The following ACSL4 variants were observed in gnomAD, a reference collection of about 807,000 sequenced individuals.
ACSL4 encodes the protein long-chain-fatty-acid--CoA ligase 4.
ACSL4 carries 9 observed loss-of-function variants against 49.1 expected under a neutral mutation model. The ratio of observed to expected loss-of-function variants is 0.18; its 90% CI spans 0.11 to 0.32. The LOEUF (loss-of-function observed/expected upper bound fraction) is 0.32. Ranked by LOEUF, ACSL4 falls within the 10% of genes least tolerant of loss-of-function variation. ACSL4 has a pLI of 1.00. For missense variants in ACSL4, 333 were observed against 493.7 expected, an observed-to-expected ratio of 0.67 and a Z score of 3.08; for synonymous variants, 191 against 170.3, an observed-to-expected ratio of 1.12 and a Z score of -0.95.
intron 12 of ACSL4, among the ~76,000 whole-genome samples, chrX:109,664,306 T>C (rs568126491): frequency 9.0e-6 from 1 of 111,620 alleles, no homozygotes; most frequent in African/African-American, 3.2e-5. Flanking sequence ...AAAATAAAAA[T>C]TATAGTAAAA....
intron 6 of ACSL4, among the ~76,000 whole-genome samples, chrX:109,680,227 C>G (rs1159930085): frequency 9.0e-6 from 1 of 111,363 alleles, no homozygotes; most frequent in Non-Finnish European, 1.9e-5. Flanking sequence ...GCAGGCTCAT[C>G]TGTTTGCCGG....
intron 14 of ACSL4, among the ~76,000 whole-genome samples, chrX:109,660,643 G>A (rs926344803): frequency 9.0e-6 from 1 of 111,575 alleles, no homozygotes; most frequent in African/African-American, 3.2e-5. Context: ...ATTTTCCTAG[G>A]AGCATTATTC....
intron 1 of ACSL4, among the ~76,000 whole-genome samples, chrX:109,702,880 T>A (rs942312273): frequency 2.4e-4 from 26 of 110,251 alleles, no homozygotes; most frequent in African/African-American, 8.6e-4. Flanking sequence ...AAATGAACAA[T>A]CAAATAAGTA....
chrX:109,725,229 G>A (rs1927883656), intron 1 of ACSL4, among the ~76,000 whole-genome samples: 1 of 104,108 alleles, frequency 9.6e-6, no homozygotes, highest in Non-Finnish European at 2.0e-5. Context: ...CTACAGGTGT[G>A]TGCCACCACA....
At chrX:109,690,758 A>AGG (rs377016860) in intron 2 of ACSL4, among the ~76,000 whole-genome samples, 20 of 73,260 alleles carry the variant, frequency 2.7e-4, no homozygotes, top group African/African-American at 7.0e-4. Flanking sequence ...AAGACATTTT[A>AGG]GGGGGGGGGG....
chrX:109,688,208 C>G (rs1169788910), intron 2 of ACSL4, among the ~76,000 whole-genome samples: 2 of 112,077 alleles, frequency 1.8e-5, no homozygotes, highest in Non-Finnish European at 3.8e-5. Flanking sequence ...CACAGACTCT[C>G]ACTGCTACAT....
chrX:109,671,470 C>T (rs1056310779), intron 9 of ACSL4, among the ~76,000 whole-genome samples: 3 of 108,718 alleles, frequency 2.8e-5, no homozygotes, highest in Non-Finnish European at 3.9e-5. Context: ...AGCCCCCGCC[C>T]GACCAGCCAC....
intron 4 of ACSL4, among the ~76,000 whole-genome samples, 160 bp downstream of exon 4, chrX:109,682,559 G>A (rs146283345): frequency 1.6e-4 from 18 of 110,646 alleles, no homozygotes; most frequent in African/African-American, 5.3e-4. Context: ...AGGAGTCATC[G>A]GATATCTTTT....
At chrX:109,722,185 C>CA (rs1927611829) in intron 1 of ACSL4, among the ~76,000 whole-genome samples, 1 of 111,988 alleles carries the variant, frequency 8.9e-6, no homozygotes, top group African/African-American at 3.2e-5. Context: ...CTAAGTCCTA[C>CA]AGCATAAACC....
chrX:109,694,949 G>A (rs1025421793), intron 2 of ACSL4, among the ~76,000 whole-genome samples: 3 of 111,638 alleles, frequency 2.7e-5, no homozygotes, highest in African/African-American at 9.8e-5. Flanking sequence ...AGAAATACAC[G>A]CAAATCAGTT....
intron 1 of ACSL4, among the ~76,000 whole-genome samples, chrX:109,723,677 A>C (rs894697767): frequency 8.9e-6 from 1 of 112,467 alleles, no homozygotes; most frequent in Non-Finnish European, 1.9e-5. Flanking sequence ...AGTTACAAAC[A>C]GTTTCACTGC....
intron 1 of ACSL4, among the ~76,000 whole-genome samples, chrX:109,729,980 A>G (rs1407305455): frequency 1.8e-5 from 2 of 112,392 alleles, no homozygotes; most frequent in Admixed American, 1.9e-4. Context: ...ACATCTATAA[A>G]AAGACAACAA....
chrX:109,728,452 G>C (rs1166561806), intron 1 of ACSL4, among the ~76,000 whole-genome samples: 2 of 112,507 alleles, frequency 1.8e-5, no homozygotes, highest in Non-Finnish European at 1.9e-5. Context: ...TTTTAATTTA[G>C]AAAGTGAAAC....
At chrX:109,694,647 GAT>G (rs1168631825) in intron 2 of ACSL4, among the ~76,000 whole-genome samples, 1 of 111,502 alleles carries the variant, frequency 9.0e-6, no homozygotes, top group African/African-American at 3.3e-5. Context: ...AAATTAGAAA[GAT>G]ATATTCTATA....
intron 9 of ACSL4, 131 bp from the exon 10 acceptor site, chrX:109,669,304 A>C: frequency 8.3e-6 from 4 of 480,044 alleles, no homozygotes; most frequent in Non-Finnish European, 1.4e-5. Flanking sequence ...TAATTATGTA[A>C]TTAATTTCAC....
intron 9 of ACSL4, among the ~76,000 whole-genome samples, chrX:109,671,081 C>T (rs1923164757): frequency 2.7e-5 from 3 of 111,423 alleles, no homozygotes; most frequent in South Asian, 3.8e-4. Flanking sequence ...TCTGCCTGGC[C>T]GCCCATCGTC....
At chrX:109,732,162 A>G (rs761716925) in intron 1 of ACSL4, among the ~76,000 whole-genome samples, 7 of 112,367 alleles carry the variant, frequency 6.2e-5, no homozygotes, top group African/African-American at 2.3e-4. Flanking sequence ...CAAACCGCTT[A>G]CTTTTTCAAA....
intron 8 of ACSL4, among the ~76,000 whole-genome samples, chrX:109,675,980 T>C (rs143526451): frequency 3.9e-4 from 44 of 111,717 alleles, no homozygotes; most frequent in Non-Finnish European, 7.9e-4. Context: ...CATACAAAGA[T>C]TGTGTTTCTT....
intron 2 of ACSL4, among the ~76,000 whole-genome samples, chrX:109,691,600 T>C (rs1415285716): frequency 8.9e-6 from 1 of 112,251 alleles, no homozygotes; most frequent in African/African-American, 3.2e-5. Flanking sequence ...GAAATCAAAC[T>C]TTACAAGAGA....
Sources: gnomAD v4.1 joint callset for allele counts (sites outside exome capture counted in the v4.1 genomes callset) on GRCh38, gnomAD v4.1.1 for gene constraint, MANE v1.5 for transcripts, NCBI Gene and HGNC (gene_info 2026-07-23, HGNC 2026-07-21) for gene names.